The following ADGRL3 variants were observed in gnomAD, a reference collection of about 807,000 sequenced individuals.
ADGRL3 encodes the protein calcium-independent alpha-latrotoxin receptor 3.
ADGRL3 carries 62 observed loss-of-function variants against 153.5 expected under a neutral mutation model. The ratio of observed to expected loss-of-function variants is 0.40; its 90% CI spans 0.33 to 0.50. The LOEUF is 0.50. ADGRL3 is among the 20% of genes least tolerant of loss of function. ADGRL3 has a pLI of 0.47. For synonymous variants in ADGRL3, 710 were observed against 672.5 expected, an observed-to-expected ratio of 1.06 and a Z score of -0.86; for missense variants, 1,641 against 1,859.4, an observed-to-expected ratio of 0.88 and a Z score of 2.16.
At chr4:62,002,612 T>G (rs1400298798) in intron 21 of ADGRL3, among the ~76,000 whole-genome samples, 1 of 151,726 alleles carries the variant, frequency 6.6e-6, no homozygotes, top group Non-Finnish European at 1.5e-5. Context: ...ACAGGGGAAA[T>G]GAGGTATGCC....
intron 1 of ADGRL3, among the ~76,000 whole-genome samples, chr4:61,244,054 G>A (rs372663616): frequency 2.6e-5 from 4 of 151,904 alleles, no homozygotes; most frequent in African/African-American, 9.7e-5. Context: ...GTTGCTATCG[G>A]GTCTACCTAA....
chr4:61,263,297 A>C (rs948960471), intron 1 of ADGRL3, among the ~76,000 whole-genome samples: 2 of 151,880 alleles, frequency 1.3e-5, no homozygotes, highest in African/African-American at 4.8e-5. Flanking sequence ...GTTAAAAAAA[A>C]CCTAATTTTC....
chr4:61,747,207 C>T (rs948390337), intron 8 of ADGRL3, among the ~76,000 whole-genome samples: 1 of 151,028 alleles, frequency 6.6e-6, no homozygotes, highest in Admixed American at 6.6e-5. Flanking sequence ...GAAATTGTGG[C>T]AATAATCAAT....
chr4:61,761,036 G>A (rs1196463327), intron 8 of ADGRL3, among the ~76,000 whole-genome samples: 1 of 152,168 alleles, frequency 6.6e-6, no homozygotes, highest in Admixed American at 6.5e-5. Flanking sequence ...TTTGTGCTGA[G>A]TCAGTTCCTG....
intron 6 of ADGRL3, among the ~76,000 whole-genome samples, chr4:61,696,670 C>CTTTTTTTTTTTTTTTTTTTT (rs34306284): frequency 9.8e-6 from 1 of 102,016 alleles, no homozygotes. Flanking sequence ...TTTTTTTAAC[C>CTTTTTTTTTTTTTTTTTTTT]TTTTTTTTTT....
intron 9 of ADGRL3, among the ~76,000 whole-genome samples, chr4:61,822,166 G>A (rs993545526): frequency 2.6e-5 from 4 of 151,984 alleles, no homozygotes; most frequent in Admixed American, 1.3e-4. Flanking sequence ...TGCATATAAC[G>A]GAGTTCTTTG....
At chr4:61,415,405 T>C (rs1343223393) in intron 2 of ADGRL3, among the ~76,000 whole-genome samples, 1 of 152,052 alleles carries the variant, frequency 6.6e-6, no homozygotes. Flanking sequence ...TAATTTGTTT[T>C]CCAACACAGT....
chr4:61,986,969 G>A (rs1030209844), intron 19 of ADGRL3, among the ~76,000 whole-genome samples: 1 of 151,786 alleles, frequency 6.6e-6, no homozygotes, highest in Non-Finnish European at 1.5e-5. Context: ...TTTCCATCAG[G>A]GCTTAATCAA....
chr4:61,905,049 T>G (rs1465626915), intron 11 of ADGRL3, among the ~76,000 whole-genome samples: 1 of 152,160 alleles, frequency 6.6e-6, no homozygotes, highest in Non-Finnish European at 1.5e-5. Flanking sequence ...ATAGTAATTC[T>G]ACAAACATAT....
chr4:61,973,909 C>A (rs1184049274), intron 17 of ADGRL3, among the ~76,000 whole-genome samples: 3 of 152,084 alleles, frequency 2.0e-5, no homozygotes, highest in Non-Finnish European at 4.4e-5. Flanking sequence ...AGATGCAATT[C>A]AGATTCAAAA....
intron 25 of ADGRL3, among the ~76,000 whole-genome samples, chr4:62,063,222 G>A (rs1741138872): frequency 1.3e-5 from 2 of 151,870 alleles, no homozygotes; most frequent in Non-Finnish European, 2.9e-5. Context: ...TTTTTAGCAA[G>A]CATGGGAATA....
chr4:61,683,194 C>G (rs1330999979), intron 6 of ADGRL3, among the ~76,000 whole-genome samples: 1 of 151,362 alleles, frequency 6.6e-6, no homozygotes, highest in African/African-American at 2.4e-5. Flanking sequence ...CTCACTGCAG[C>G]CTGGACCTCC....
At chr4:61,535,762 T>C (rs2152974094) in intron 4 of ADGRL3, among the ~76,000 whole-genome samples, 1 of 152,218 alleles carries the variant, frequency 6.6e-6, no homozygotes, top group African/African-American at 2.4e-5. Flanking sequence ...TAATCTTTTG[T>C]CTTTCTTTGG....
chr4:61,257,641 C>A (rs765235026), intron 1 of ADGRL3, among the ~76,000 whole-genome samples: 12 of 152,186 alleles, frequency 7.9e-5, no homozygotes, highest in Middle Eastern at 3.4e-3. Context: ...TATTAAAATT[C>A]AACTCCCCCC....
intron 1 of ADGRL3, among the ~76,000 whole-genome samples, chr4:61,381,293 TTGTGTGTGTGTGTGTGTG>T (rs55767359): frequency 1.4e-5 from 2 of 141,374 alleles, no homozygotes; most frequent in Non-Finnish European, 3.1e-5. Context: ...ATAAACAAGT[TTGTGTGTGTGTGTGTGTG>T]TGTGTGTGTG....
rs184252617 is a variant in ADGRL3, at chr4:61,568,077, C to T, written c.260-19150C>T. On this transcript the variant is annotated intron_variant, in intron 4 of 26. Coordinates refer to ENST00000683033, the MANE Select transcript of ADGRL3 (RefSeq NM_001387552.1). Reference sequence around the variant, plus strand: ...TTATTGTAGTGCCTTATATTTTTTTCTCATTCAATTTTCATTTATCTTTGA... The same window carrying T: ...TTATTGTAGTGCCTTATATTTTTTTTTCATTCAATTTTCATTTATCTTTGA... 4.9e-4 allele frequency among the ~76,000 whole-genome samples: 74 copies of T among 151,890 alleles called. 2 individuals are homozygous for T. The highest frequency in any genetic ancestry group is 4.5e-3 in the Admixed American group (69 of 15,248).
intron 9 of ADGRL3, among the ~76,000 whole-genome samples, chr4:61,869,973 AGAAAGAG>A: frequency 3.0e-5 from 3 of 100,822 alleles, no homozygotes; most frequent in African/African-American, 6.7e-5. Context: ...AGAGAGAGAG[AGAAAGAG>A]AGAGAGAGAG....
At chr4:61,203,700 A>G (rs555258054) in intron 1 of ADGRL3, among the ~76,000 whole-genome samples, 1 of 152,344 alleles carries the variant, frequency 6.6e-6, no homozygotes, top group East Asian at 1.9e-4. Context: ...ATGAGAATAA[A>G]CAGAGTTTGG....
Position 61,892,774 on chromosome 4 carries a change from G to A in ADGRL3, c.1599G>A (p.Arg533=), listed in dbSNP as rs1201143930. 6.2e-7 allele frequency: 1 copy of A among 1,613,854 alleles called. No individual in the cohort carries two copies. The highest frequency in any genetic ancestry group is 8.5e-7 in the Non-Finnish European group (1 of 1,179,856). ...CGTCAGTGTCAGGAAGAAGAAACCG[G>A]AGTACTAGTACCCCATCTCCAGCTG... The part of the protein sequence containing the change: ...TTPSVSGRRN[R]STSTPSPAVE... The change falls in exon 10 of 27, where the codon CGG becomes CGA. Residue 533 remains arginine, a synonymous_variant. Transcript: ENST00000683033.
Sources: gnomAD v4.1 joint callset for allele counts (sites outside exome capture counted in the v4.1 genomes callset) on GRCh38, gnomAD v4.1.1 for gene constraint, MANE v1.5 for transcripts, NCBI Gene and HGNC (gene_info 2026-07-23, HGNC 2026-07-21) for gene names.